Variants in GALNT14 observed in about 807,000 individuals in gnomAD.
The protein encoded by GALNT14 is UDP-GalNAc:polypeptide N-acetylgalactosaminyltransferase 14.
GALNT14 carries 60 observed loss-of-function variants against 77.5 expected under a neutral mutation model. That is an observed-to-expected ratio of 0.77 (90% CI 0.63 to 0.96). The LOEUF (loss-of-function observed/expected upper bound fraction) is 0.96, where lower values mean the gene tolerates loss of function less well. Ranked by LOEUF, GALNT14 falls within the 40% of genes least tolerant of loss-of-function variation. GALNT14 has a pLI of 0.00. For missense variants in GALNT14, 710 were observed against 731.0 expected (o/e 0.97, Z 0.33); for synonymous variants, 280 against 281.7 (o/e 0.99, Z 0.06).
chr2:30,948,614 G>C (rs955295870), intron 6 of GALNT14, among the ~76,000 whole-genome samples: 2 of 152,168 alleles, frequency 1.3e-5, no homozygotes, highest in African/African-American at 4.8e-5. Flanking sequence ...AAAAGTAAGT[G>C]GTATCTGTAC....
chr2:30,991,374 G>C (rs926715165), intron 2 of GALNT14: 2 of 152,080 alleles, frequency 1.3e-5, no homozygotes, highest in Non-Finnish European at 2.9e-5. Context: ...TGCAGTTTCT[G>C]CTCGGGGAAA....
intron 3 of GALNT14, among the ~76,000 whole-genome samples, chr2:30,965,574 A>T (rs1167421460): frequency 6.6e-6 from 1 of 152,098 alleles, no homozygotes; most frequent in Non-Finnish European, 1.5e-5. Flanking sequence ...AGGGACTGGC[A>T]CTGGGACTTG....
chr2:30,921,943 G>A (rs1665057449), intron 13 of GALNT14, among the ~76,000 whole-genome samples: 1 of 152,198 alleles, frequency 6.6e-6, no homozygotes. Context: ...CAAATGTCAA[G>A]AGTGCTGAGA....
intron 1 of GALNT14, among the ~76,000 whole-genome samples, chr2:31,135,312 T>C (rs1679177263): frequency 6.6e-6 from 1 of 152,218 alleles, no homozygotes. Context: ...CAGGTGATTC[T>C]GACATGCAGC....
At chr2:30,993,836 T>C (rs76947057) in intron 1 of GALNT14, among the ~76,000 whole-genome samples, 9,066 of 152,258 alleles carry the variant, frequency 0.06, 497 homozygotes, top group East Asian at 0.28. Flanking sequence ...GCTCAGTCTC[T>C]GTGGCCCCTC....
chr2:30,890,293 G>A, the GALNT14 span, among the ~76,000 whole-genome samples: 3 of 152,198 alleles, frequency 2.0e-5, no homozygotes, highest in Admixed American at 2.0e-4. Context: ...TTTCAGGGAA[G>A]CAGTGGGACA....
At chr2:31,085,127 G>A (rs143695582) in intron 1 of GALNT14, among the ~76,000 whole-genome samples, 1 of 152,216 alleles carries the variant, frequency 6.6e-6, no homozygotes, top group African/African-American at 2.4e-5. Flanking sequence ...TTGCTAAGCT[G>A]CCAGGTAAAG....
rs368255803 is a variant in GALNT14 at position 30,924,391 on chromosome 2, C to T, written c.1236-128G>A. On this transcript the variant is annotated intron_variant, in intron 12 of 14. Coordinates refer to ENST00000349752, the MANE Select transcript of GALNT14 (RefSeq NM_024572.4). ...GCTGTTAGAAAATATCTGCACTGCT[C>T]GGGGAAGGGCAGGGTGCCACTAAGA... 832 of 977,192 alleles carry T rather than the reference C, an allele frequency of 8.5e-4. 5 individuals carry two copies. The African/African-American group carries it at 0.012, about 14-fold the overall frequency. The allele number at this position is 977,192 out of a possible 1,614,324, so 60.5% of individuals were successfully genotyped here.
At chr2:31,081,264 T>C (rs1340195088) in intron 1 of GALNT14, among the ~76,000 whole-genome samples, 2 of 152,234 alleles carry the variant, frequency 1.3e-5, no homozygotes, top group Non-Finnish European at 2.9e-5. Context: ...GTCAAGTATA[T>C]GGATTCATGG....
intron 2 of GALNT14, among the ~76,000 whole-genome samples, chr2:30,971,359 T>C (rs1030008039): frequency 1.4e-4 from 22 of 151,980 alleles, no homozygotes; most frequent in African/African-American, 5.1e-4. Flanking sequence ...GCGGGAAAGA[T>C]TGGGGGCGGG....
At chr2:30,989,560 T>TATATATATATATATATATATATATATA (rs1669525579) in intron 2 of GALNT14, among the ~76,000 whole-genome samples, 13 of 87,098 alleles carry the variant, frequency 1.5e-4, no homozygotes, top group Middle Eastern at 5.6e-3. Context: ...GGTAAATACC[T>TATATATATATATATATATATATATATA]TATATATATA....
chr2:31,062,627 G>T (rs554427089), intron 1 of GALNT14, among the ~76,000 whole-genome samples: 2 of 152,266 alleles, frequency 1.3e-5, no homozygotes, highest in South Asian at 4.1e-4. Context: ...GATCCTTGAG[G>T]AATCGTCACA....
In GALNT14 at chr2:30,910,489, C is replaced by T. The variant is rs1161493015; in HGVS notation, c.*412G>A. On this transcript the variant is annotated 3_prime_UTR_variant, in exon 15 of 15. Coordinates refer to ENST00000349752, the MANE Select transcript of GALNT14 (RefSeq NM_024572.4). ...ATGTCCAGAGACAACTTCTAAGTTT[C>T]TCTTTATTTCTTTTGGAAACAACCT... 6.3e-6 allele frequency: 1 copy of T among 158,902 alleles called. No individual in the cohort carries two copies. The highest frequency in any genetic ancestry group is 2.4e-5 in the African/African-American group (1 of 41,540). The allele number at this position is 158,902 out of a possible 1,614,324, so 9.8% of individuals were successfully genotyped here.
chr2:31,113,403 G>A (rs1677937052), intron 1 of GALNT14, among the ~76,000 whole-genome samples: 1 of 152,142 alleles, frequency 6.6e-6, no homozygotes, highest in South Asian at 2.1e-4. Context: ...AGTTGTCCCT[G>A]AATCCTGGGG....
intron 1 of GALNT14, among the ~76,000 whole-genome samples, chr2:31,099,159 A>G (rs1368605508): frequency 6.6e-6 from 1 of 152,162 alleles, no homozygotes; most frequent in Non-Finnish European, 1.5e-5. Flanking sequence ...GCAATCTGAT[A>G]GATAAAATAT....
chr2:31,097,100 C>G (rs1372528874), intron 1 of GALNT14, among the ~76,000 whole-genome samples: 1 of 152,036 alleles, frequency 6.6e-6, no homozygotes, highest in Non-Finnish European at 1.5e-5. Context: ...CCAGTGGTCT[C>G]AAGGCAATCC....
At chr2:30,894,388 G>T in the GALNT14 span, among the ~76,000 whole-genome samples, 1 of 152,204 alleles carries the variant, frequency 6.6e-6, no homozygotes, top group African/African-American at 2.4e-5. Context: ...GCTGCATGAA[G>T]CTGCAGTTGG....
At chr2:31,098,312 A>G (rs561733197) in intron 1 of GALNT14, among the ~76,000 whole-genome samples, 1 of 152,280 alleles carries the variant, frequency 6.6e-6, no homozygotes, top group African/African-American at 2.4e-5. Context: ...TAGCGGGGGA[A>G]AGCCTTTGGG....
chr2:31,025,937 G>A (rs895233200), intron 1 of GALNT14, among the ~76,000 whole-genome samples: 3 of 152,178 alleles, frequency 2.0e-5, no homozygotes, highest in Non-Finnish European at 4.4e-5. Context: ...TAAGGCCTTC[G>A]GCAGATTGGA....
Sources: allele counts gnomAD v4.1 joint callset (sites outside exome capture counted in the v4.1 genomes callset), GRCh38; gene constraint gnomAD v4.1.1; transcripts MANE v1.5; gene names NCBI Gene and HGNC (gene_info 2026-07-23, HGNC 2026-07-21).